The following SLC25A40 variants were observed in gnomAD, a reference collection of about 807,000 sequenced individuals.
SLC25A40 encodes mitochondrial glutathione transporter SLC25A40.
SLC25A40 carries 41 observed loss-of-function variants against 46.5 expected under a neutral mutation model. That is an observed-to-expected ratio of 0.88 (90% CI 0.69 to 1.14). The LOEUF is 1.14. Ranked by LOEUF, SLC25A40 falls within the 50% of genes most tolerant of loss-of-function variation. The probability of loss-of-function intolerance (pLI) is 0.00; values close to 1 mark genes in which losing one functional copy is unlikely to be tolerated. For missense variants in SLC25A40, 386 were observed against 393.6 expected, an observed-to-expected ratio of 0.98 and a Z score of 0.16; for synonymous variants, 126 against 127.5, an observed-to-expected ratio of 0.99 and a Z score of 0.08.
At chr7:87,838,739 T>C (rs745530997) in intron 10 of SLC25A40, among the ~76,000 whole-genome samples, 20 of 151,534 alleles carry the variant, frequency 1.3e-4, no homozygotes, top group Non-Finnish European at 8.9e-5. Flanking sequence ...CTCACTCTTC[T>C]TTGTATACAT....
chr7:87,860,965 A>C (rs1838688136), intron 1 of SLC25A40, among the ~76,000 whole-genome samples: 1 of 152,230 alleles, frequency 6.6e-6, no homozygotes, highest in Admixed American at 6.5e-5. Context: ...CACAAAATTA[A>C]AGGGCCAGCA....
intron 11 of SLC25A40, 114 bp downstream of exon 11, chr7:87,836,616 G>A: frequency 1.7e-6 from 1 of 578,390 alleles, no homozygotes; most frequent in Non-Finnish European, 2.8e-6. Context: ...AGATATTTAG[G>A]AGAAAATAAA....
chr7:87,865,545 C>A (rs1034884064), intron 1 of SLC25A40, among the ~76,000 whole-genome samples: 1 of 152,036 alleles, frequency 6.6e-6, no homozygotes, highest in Non-Finnish European at 1.5e-5. Context: ...CCAAGGCAGG[C>A]GGATCACTTA....
chr7:87,872,237 C>T (rs577125846), intron 1 of SLC25A40, among the ~76,000 whole-genome samples: 1 of 152,180 alleles, frequency 6.6e-6, no homozygotes, highest in South Asian at 2.1e-4. Flanking sequence ...GCAAGAACTA[C>T]CTAAAGTTTT....
At chr7:87,857,831 A>G (rs1353331145) in intron 3 of SLC25A40, among the ~76,000 whole-genome samples, 2 of 152,244 alleles carry the variant, frequency 1.3e-5, no homozygotes, top group Non-Finnish European at 2.9e-5. Context: ...GAAGACAACC[A>G]TAAGGTCTGA....
At chr7:87,849,084 A>G (rs1206472748) in intron 6 of SLC25A40, among the ~76,000 whole-genome samples, 1 of 152,218 alleles carries the variant, frequency 6.6e-6, no homozygotes. Flanking sequence ...AGACAATTAG[A>G]ATTACCTGGA....
intron 3 of SLC25A40, among the ~76,000 whole-genome samples, chr7:87,856,651 A>T (rs528671367): frequency 6.6e-6 from 1 of 152,296 alleles, no homozygotes; most frequent in East Asian, 1.9e-4. Flanking sequence ...TATGATTTCT[A>T]ATATAAGAAG....
intron 4 of SLC25A40, 42 bp downstream of exon 4, chr7:87,856,250 A>G: frequency 6.8e-7 from 1 of 1,468,656 alleles, no homozygotes; most frequent in East Asian, 2.3e-5. Context: ...AGGAACATTT[A>G]AAAATCAAAC....
At chr7:87,858,775 T>C (rs1286228210) in intron 2 of SLC25A40, 24 bp from the exon 3 acceptor site, 3 of 1,263,012 alleles carry the variant, frequency 2.4e-6, no homozygotes, top group Non-Finnish European at 2.3e-6. Flanking sequence ...AACATAAAAT[T>C]AGAGCACATC....
At chr7:87,871,301 T>C (rs1315442178) in intron 1 of SLC25A40, among the ~76,000 whole-genome samples, 3 of 152,208 alleles carry the variant, frequency 2.0e-5, no homozygotes, top group African/African-American at 4.8e-5. Context: ...CTCCAGATAA[T>C]AGCATTGAAC....
chr7:87,874,689 C>G (rs1838951708), intron 1 of SLC25A40, among the ~76,000 whole-genome samples: 1 of 152,214 alleles, frequency 6.6e-6, no homozygotes, highest in South Asian at 2.1e-4. Flanking sequence ...CTGTACTAAG[C>G]ATTCAAAAAT....
chr7:87,859,313 G>A (rs1259249327), intron 2 of SLC25A40, among the ~76,000 whole-genome samples: 1 of 151,992 alleles, frequency 6.6e-6, no homozygotes, highest in Admixed American at 6.6e-5. Context: ...AATTAGCCAG[G>A]TGTCTGTAGT....
At chr7:87,875,547 ATTTT>A (rs544988228) in intron 1 of SLC25A40, among the ~76,000 whole-genome samples, 1 of 143,554 alleles carries the variant, frequency 7.0e-6, no homozygotes. Flanking sequence ...GAAGAAACAG[ATTTT>A]TTTTTTTTTT....
intron 10 of SLC25A40, among the ~76,000 whole-genome samples, chr7:87,840,357 G>A (rs1838313193): frequency 6.6e-6 from 1 of 151,698 alleles, no homozygotes; most frequent in African/African-American, 2.4e-5. Flanking sequence ...ATGTCCAGCT[G>A]TAGGTATATT....
intron 8 of SLC25A40, chr7:87,844,161 T>C (rs1838378424): frequency 6.2e-6 from 1 of 162,202 alleles, no homozygotes; most frequent in Non-Finnish European, 1.3e-5. Flanking sequence ...TTGATGATCA[T>C]AGGTACAGAC....
chr7:87,865,061 C>A (rs1432768319), intron 1 of SLC25A40, among the ~76,000 whole-genome samples: 1 of 151,316 alleles, frequency 6.6e-6, no homozygotes, highest in Non-Finnish European at 1.5e-5. Context: ...ATTGCAACCT[C>A]AAACTGCCAG....
Position 87,847,955 on chromosome 7 carries a change from CTG to C in SLC25A40, c.353_354del (p.Thr118SerfsTer8). On this transcript the variant is annotated frameshift_variant, in exon 7 of 12. Transcript: ENST00000341119. LOFTEE classifies it high-confidence loss of function. ...TGATCATAGCAGGTAAAATAAATAA[CTG>C]TGGCAGGAACTGCCATCACTCTGTT... ...PPTLVMAVPATVIYFTCYDQL... is the reference protein window; with the variant it reads ...PPTLVMAVPAXVIYFTCYDQL... 1 of 1,606,846 alleles carries C rather than the reference CTG, an allele frequency of 6.2e-7. No individual in the cohort carries two copies. The highest frequency in any genetic ancestry group is 8.5e-7 in the Non-Finnish European group (1 of 1,177,674).
chr7:87,841,149 GTGTGTGTGTGTA>G (rs954141550), intron 10 of SLC25A40, among the ~76,000 whole-genome samples: 25 of 148,422 alleles, frequency 1.7e-4, no homozygotes, highest in African/African-American at 6.2e-4. Context: ...GTGTGTGTGT[GTGTGTGTGTGTA>G]TATATATATA....
chr7:87,834,782 A>G lies in SLC25A40; in HGVS notation c.*1467T>C, dbSNP rs1243235003. The stretch of plus-strand genomic sequence containing the variant: ...ATGATTTTACGTAAAAATATTTAGA[A>G]GCACAGTGATGATTTTAAGAAGCCA... On this transcript the variant is annotated 3_prime_UTR_variant, in exon 12 of 12. Coordinates refer to ENST00000341119, the MANE Select transcript of SLC25A40 (RefSeq NM_018843.4). The G allele has an allele frequency of 2.6e-5, 4 of 151,702 alleles. No homozygotes were observed. The highest frequency in any genetic ancestry group is 2.6e-4 in the Admixed American group (4 of 15,172). 9.4% of individuals were successfully genotyped at this position (151,702 alleles called of 1,614,324 possible).
Sources: gnomAD v4.1 joint callset for allele counts (sites outside exome capture counted in the v4.1 genomes callset) on GRCh38, gnomAD v4.1.1 for gene constraint, MANE v1.5 for transcripts, NCBI Gene and HGNC (gene_info 2026-07-23, HGNC 2026-07-21) for gene names.